The following HCN1 variants were observed in gnomAD, a reference collection of about 807,000 sequenced individuals.
The protein encoded by HCN1 is hyperpolarization activated cyclic nucleotide gated potassium channel 1.
In HCN1, 13 loss-of-function variants were observed where a neutral mutation model predicts 78.9. The ratio of observed to expected loss-of-function variants is 0.16; its 90% CI spans 0.11 to 0.26. The LOEUF (loss-of-function observed/expected upper bound fraction) is 0.26, where lower values mean the gene tolerates loss of function less well. HCN1 is among the 10% of genes least tolerant of loss of function. HCN1 has a pLI of 1.00. For synonymous variants in HCN1, 552 were observed against 455.5 expected (o/e 1.21, Z -2.70); for missense variants, 810 against 1,154.3 (o/e 0.70, Z 4.32).
chr5:45,599,306 A>G (rs1744575954), intron 2 of HCN1, among the ~76,000 whole-genome samples: 1 of 151,854 alleles, frequency 6.6e-6, no homozygotes, highest in Non-Finnish European at 1.5e-5. Flanking sequence ...AACTATCACA[A>G]GGATGGAAAG....
rs185451621 is a variant in HCN1 at position 45,679,974 on chromosome 5, T to C, written c.425+15695A>G. Among the ~76,000 whole-genome samples, 284 of 152,166 alleles carry C rather than the reference T, an allele frequency of 1.9e-3. 1 individual carries two copies. The highest frequency in any genetic ancestry group is 6.8e-3 in the Middle Eastern group (2 of 294). Reference sequence around the variant, plus strand: ...AAACCAAGCCTCTGGGAAAGAATCATGGAACTAGATGGTTAAAGGACACCC... The same window carrying C: ...AAACCAAGCCTCTGGGAAAGAATCACGGAACTAGATGGTTAAAGGACACCC... On this transcript the variant is annotated intron_variant, in intron 1 of 7. Transcript: ENST00000303230.
At chr5:45,399,643 G>C (rs747587513) in intron 3 of HCN1, among the ~76,000 whole-genome samples, 3 of 152,020 alleles carry the variant, frequency 2.0e-5, no homozygotes, top group Non-Finnish European at 4.4e-5. Context: ...CAAATTTGTA[G>C]ATTTAAACAA....
intron 5 of HCN1, among the ~76,000 whole-genome samples, chr5:45,318,769 G>A (rs908317102): frequency 2.0e-5 from 3 of 151,790 alleles, no homozygotes; most frequent in African/African-American, 7.3e-5. Context: ...CAAATTTTAA[G>A]TCATTTTTTA....
At chr5:45,532,191 T>C (rs927961221) in intron 2 of HCN1, among the ~76,000 whole-genome samples, 1 of 152,370 alleles carries the variant, frequency 6.6e-6, no homozygotes, top group South Asian at 2.1e-4. Flanking sequence ...TACAATTTAC[T>C]TGACTAGACT....
chr5:45,402,312 G>C (rs935697081), intron 3 of HCN1, among the ~76,000 whole-genome samples: 4 of 152,192 alleles, frequency 2.6e-5, no homozygotes, highest in African/African-American at 9.7e-5. Context: ...GAATTGCAGA[G>C]TGCTGGTTCT....
intron 1 of HCN1, among the ~76,000 whole-genome samples, chr5:45,652,620 A>ATTTG: frequency 6.6e-6 from 1 of 151,954 alleles, no homozygotes. Flanking sequence ...ATAGTTACAA[A>ATTTG]TAACTATATA....
chr5:45,288,375 A>T (rs1745308323), intron 6 of HCN1, among the ~76,000 whole-genome samples: 1 of 152,026 alleles, frequency 6.6e-6, no homozygotes, highest in Admixed American at 6.6e-5. Context: ...GCAAGAAGAC[A>T]TTTTGGATGT....
At position 45,660,189 on chromosome 5, in the gene HCN1, T is replaced by C. The variant is rs571504883; in HGVS notation, c.426-14581A>G. ...AAAGAATTTTCAACCCAGAATTTCA[T>C]AGCCAGCCAAACTAAGCTTCATAAG... On this transcript the variant is annotated intron_variant, in intron 1 of 7. Coordinates refer to ENST00000303230, the MANE Select transcript of HCN1 (RefSeq NM_021072.4). Among the ~76,000 whole-genome samples, 6 of 123,574 alleles carry C rather than the reference T, an allele frequency of 4.9e-5. No individual in the cohort carries two copies. In the East Asian group the frequency reaches 9.7e-4, roughly 20 times the overall value. 81.1% of individuals were successfully genotyped at this position (123,574 alleles called of 152,430 possible).
chr5:45,298,929 A>T (rs182254186), intron 6 of HCN1, among the ~76,000 whole-genome samples: 19 of 152,114 alleles, frequency 1.2e-4, no homozygotes, highest in Admixed American at 1.1e-3. Context: ...TCTCAATATG[A>T]TGTGATGAGA....
At chr5:45,670,109 G>A (rs959104507) in intron 1 of HCN1, among the ~76,000 whole-genome samples, 3 of 151,396 alleles carry the variant, frequency 2.0e-5, no homozygotes, top group Non-Finnish European at 3.0e-5. Flanking sequence ...TAGATGAAGA[G>A]AAAAAATTAT....
intron 2 of HCN1, among the ~76,000 whole-genome samples, chr5:45,525,184 C>A (rs895427628): frequency 1.3e-5 from 2 of 152,058 alleles, no homozygotes. Context: ...ATTGAACCAG[C>A]CTTACATCCC....
chr5:45,577,070 T>C (rs1485841754), intron 2 of HCN1, among the ~76,000 whole-genome samples: 1 of 152,058 alleles, frequency 6.6e-6, no homozygotes. Flanking sequence ...TTTGGAAGGG[T>C]TGGAGTTAGC....
At chr5:45,654,473 T>G (rs1335509517) in intron 1 of HCN1, among the ~76,000 whole-genome samples, 2 of 152,170 alleles carry the variant, frequency 1.3e-5, no homozygotes, top group Non-Finnish European at 2.9e-5. Context: ...TTCCTGCTTC[T>G]AACTCTTGAC....
chr5:45,321,711 A>G (rs1481279637), intron 5 of HCN1, among the ~76,000 whole-genome samples: 1 of 151,724 alleles, frequency 6.6e-6, no homozygotes, highest in Non-Finnish European at 1.5e-5. Context: ...ACGTATTTTT[A>G]TGGCAGATCA....
intron 2 of HCN1, among the ~76,000 whole-genome samples, chr5:45,582,853 C>T (rs1744110903): frequency 6.6e-6 from 1 of 152,188 alleles, no homozygotes; most frequent in African/African-American, 2.4e-5. Context: ...ACCAGCTTTG[C>T]ATCCCAGGGA....
intron 2 of HCN1, among the ~76,000 whole-genome samples, chr5:45,628,430 G>A (rs905650294): frequency 4.0e-5 from 6 of 151,684 alleles, no homozygotes; most frequent in African/African-American, 1.5e-4. Flanking sequence ...AAATCACAAA[G>A]GAAAAGATAG....
chr5:45,540,784 A>G (rs1224241662), intron 2 of HCN1, among the ~76,000 whole-genome samples: 1 of 152,166 alleles, frequency 6.6e-6, no homozygotes, highest in African/African-American at 2.4e-5. Flanking sequence ...TCTACATATC[A>G]TAATTTTAAC....
At chr5:45,472,654 G>GAC (rs1395209850) in intron 2 of HCN1, among the ~76,000 whole-genome samples, 1 of 131,512 alleles carries the variant, frequency 7.6e-6, no homozygotes, top group African/African-American at 2.9e-5. Flanking sequence ...GGAGAAAGGA[G>GAC]AGGGGGGAGA....
At chr5:45,461,398 A>T (rs1476053365) in intron 3 of HCN1, among the ~76,000 whole-genome samples, 1 of 152,102 alleles carries the variant, frequency 6.6e-6, no homozygotes, top group Non-Finnish European at 1.5e-5. Context: ...ATTTGGCTTC[A>T]TACATATTTA....
Sources: allele counts gnomAD v4.1 joint callset (sites outside exome capture counted in the v4.1 genomes callset), GRCh38; gene constraint gnomAD v4.1.1; transcripts MANE v1.5; gene names NCBI Gene and HGNC (gene_info 2026-07-23, HGNC 2026-07-21).